Variants in NPNT observed in about 807,000 individuals in gnomAD.
NPNT encodes the protein nephronectin.
In NPNT, 45 loss-of-function variants were observed where a neutral mutation model predicts 68.6. The observed-to-expected ratio is 0.66, with a 90% CI of 0.52 to 0.84. NPNT has a LOEUF of 0.84. Ranked by LOEUF, NPNT falls within the 40% of genes least tolerant of loss-of-function variation. NPNT has a pLI of 0.00. For missense variants in NPNT, 672 were observed against 714.8 expected, an observed-to-expected ratio of 0.94 and a Z score of 0.68; for synonymous variants, 233 against 253.3, an observed-to-expected ratio of 0.92 and a Z score of 0.76.
intron 2 of NPNT, among the ~76,000 whole-genome samples, chr4:105,902,958 T>C (rs1191229367): frequency 6.6e-6 from 1 of 152,172 alleles, no homozygotes; most frequent in East Asian, 1.9e-4. Context: ...TCTTAACCTT[T>C]ATGGATTAGA....
At chr4:105,903,251 TACAGA>T (rs1726572221) in intron 2 of NPNT, among the ~76,000 whole-genome samples, 1 of 152,274 alleles carries the variant, frequency 6.6e-6, no homozygotes, top group South Asian at 2.1e-4. Context: ...GCTTTTTATC[TACAGA>T]ATTCATGTTC....
chr4:105,927,277 T>C, intron 2 of NPNT, 59 bp from the exon 3 acceptor site: 1 of 1,046,472 alleles, frequency 9.6e-7, no homozygotes, highest in Non-Finnish European at 1.5e-6. Flanking sequence ...ACGACATCAA[T>C]GCTATATGAT....
chr4:105,965,836 G>T lies in NPNT; in HGVS notation c.1346-1352G>T, dbSNP rs10012753. Among the ~76,000 whole-genome samples the T allele has an allele frequency of 5.9e-3, 904 of 152,268 alleles. 6 individuals are homozygous for T. Among genetic ancestry groups the T allele is most frequent in the African/African-American group, 0.02 (842 of 41,548 alleles). ...CTGTATCCTTGGAACATCATTCGTT[G>T]ATTCAAACATCCTTAAACACCTGCT... On this transcript the variant is annotated intron_variant, in intron 10 of 11. Coordinates refer to ENST00000379987, the MANE Select transcript of NPNT (RefSeq NM_001033047.3).
chr4:105,956,335 C>A (rs753407849), intron 8 of NPNT, among the ~76,000 whole-genome samples: 1 of 152,034 alleles, frequency 6.6e-6, no homozygotes, highest in East Asian at 1.9e-4. Flanking sequence ...TGGAAAGTTT[C>A]ATTCTTCCCC....
intron 8 of NPNT, among the ~76,000 whole-genome samples, chr4:105,946,239 C>A (rs145111641): frequency 6.6e-6 from 1 of 152,096 alleles, no homozygotes; most frequent in Non-Finnish European, 1.5e-5. Context: ...GGGTACAAAA[C>A]AGAAAAGTTA....
intron 8 of NPNT, among the ~76,000 whole-genome samples, chr4:105,955,406 C>T (rs986682440): frequency 4.6e-5 from 7 of 152,056 alleles, no homozygotes; most frequent in African/African-American, 9.7e-5. Context: ...CATAGCCTTG[C>T]GTTCAACAAG....
intron 8 of NPNT, among the ~76,000 whole-genome samples, chr4:105,954,667 C>A (rs912821196): frequency 6.6e-6 from 1 of 152,204 alleles, no homozygotes; most frequent in Non-Finnish European, 1.5e-5. Context: ...CCTCCCTCCC[C>A]CTGTAAGGTC....
intron 8 of NPNT, among the ~76,000 whole-genome samples, chr4:105,946,457 C>T (rs941560565): frequency 3.3e-5 from 5 of 152,104 alleles, no homozygotes; most frequent in Admixed American, 1.3e-4. Context: ...GGGAACCCGC[C>T]CCCAATATTT....
intron 1 of NPNT, chr4:105,896,018 C>T (rs62317720): frequency 0.056 from 24,675 of 442,448 alleles, 837 homozygotes; most frequent in Non-Finnish European, 0.074. Context: ...CCTGGGATCT[C>T]GGCTCTGAGG....
chr4:105,958,757 GTACT>G (rs1731443372), intron 9 of NPNT, 200 bp downstream of exon 9: 1 of 522,366 alleles, frequency 1.9e-6, no homozygotes, highest in Non-Finnish European at 3.4e-6. Flanking sequence ...TTTTAAAGTA[GTACT>G]TAAACTGTAA....
Position 105,940,149 on chromosome 4 carries a change from A to G in NPNT, c.580A>G (p.Ile194Val), listed in dbSNP as rs1729817083. 6.2e-7 allele frequency: 1 copy of G among 1,612,718 alleles called. No individual in the cohort carries two copies. The highest frequency in any genetic ancestry group is 8.5e-7 in the Non-Finnish European group (1 of 1,178,746). The change falls in exon 6 of 12, where the codon ATC becomes GTC. Residue 194 changes from isoleucine (I) to valine (V), a missense_variant. Ile to Val is a conservative substitution (Grantham distance 29). Transcript: ENST00000379987. ...ATGTGTCAACACTTTTGGGAGCTAC[A>G]TCTGCAAGTGTCATAAAGGCTTCGA... ...RQCVNTFGSY[I>V]CKCHKGFDLM...
In NPNT at chr4:105,971,444, C is replaced by A; in HGVS notation, c.*2454C>A. The A allele has an allele frequency of 4.7e-6, 1 of 211,532 alleles. No individual in the cohort carries two copies. Among genetic ancestry groups the A allele is most frequent in the Non-Finnish European group, 1.0e-5 (1 of 100,008 alleles). The allele number at this position is 211,532 out of a possible 1,614,324, so 13.1% of individuals were successfully genotyped here. On this transcript the variant is annotated 3_prime_UTR_variant, in exon 12 of 12. Coordinates refer to ENST00000379987, the MANE Select transcript of NPNT (RefSeq NM_001033047.3). Reference sequence around the variant, plus strand: ...TAGATCCATTTTTAATGGTTCATTTCCTTTATGGTCATATAACTGCACAGC... The same window carrying A: ...TAGATCCATTTTTAATGGTTCATTTACTTTATGGTCATATAACTGCACAGC...
intron 2 of NPNT, among the ~76,000 whole-genome samples, chr4:105,904,619 G>A (rs10007250): frequency 0.02 from 3,059 of 152,234 alleles, 102 homozygotes; most frequent in African/African-American, 0.069. Flanking sequence ...TTGTAAGAAA[G>A]AGCCACGCAT....
chr4:105,971,662 G>C lies in NPNT; in HGVS notation c.*2672G>C, dbSNP rs1225010964. 2.6e-5 allele frequency: 4 copies of C among 152,756 alleles called. No homozygotes were observed. Among genetic ancestry groups the C allele is most frequent in the Non-Finnish European group, 4.4e-5 (3 of 68,268 alleles). 9.5% of individuals were successfully genotyped at this position (152,756 alleles called of 1,614,324 possible). On this transcript the variant is annotated 3_prime_UTR_variant, in exon 12 of 12. Coordinates refer to ENST00000379987, the MANE Select transcript of NPNT (RefSeq NM_001033047.3). ...ACAATTATTTGTAAATAAAAACACT[G>C]TTAGTAATACCAGTTGTCTATTCTT...
chr4:105,927,546 C>T (rs10856978), intron 3 of NPNT, 118 bp downstream of exon 3: 439,689 of 486,706 alleles, frequency 0.9, 199,867 homozygotes, highest in East Asian at 1. Context: ...TGTGAGCTGC[C>T]ATTTTGCTGA....
At chr4:105,964,444 G>A (rs773084632) in intron 10 of NPNT, among the ~76,000 whole-genome samples, 28 of 152,184 alleles carry the variant, frequency 1.8e-4, no homozygotes, top group South Asian at 4.1e-4. Flanking sequence ...AAGAGAATTT[G>A]TATTTTGAAT....
At chr4:105,947,841 C>T (rs578243327) in intron 8 of NPNT, among the ~76,000 whole-genome samples, 25 of 151,870 alleles carry the variant, frequency 1.6e-4, no homozygotes, top group African/African-American at 2.9e-4. Flanking sequence ...ATACTGATCA[C>T]GGGGGGGTTT....
intron 2 of NPNT, among the ~76,000 whole-genome samples, chr4:105,918,319 T>G (rs372727054): frequency 1.3e-5 from 2 of 152,318 alleles, no homozygotes; most frequent in African/African-American, 4.8e-5. Context: ...ACATAGAGAT[T>G]TTGGTTGCTA....
intron 10 of NPNT, among the ~76,000 whole-genome samples, chr4:105,966,638 A>G (rs1732159388): frequency 6.7e-6 from 1 of 148,788 alleles, no homozygotes; most frequent in Admixed American, 6.7e-5. Context: ...GCCAACTCTG[A>G]TTTTTTTTTT....
Sources: gnomAD v4.1 joint callset for allele counts (sites outside exome capture counted in the v4.1 genomes callset) on GRCh38, gnomAD v4.1.1 for gene constraint, MANE v1.5 for transcripts, NCBI Gene and HGNC (gene_info 2026-07-23, HGNC 2026-07-21) for gene names.